DENND5B: variants seen among roughly 807,000 people sequenced by gnomAD.
The protein encoded by DENND5B is DENN domain-containing protein 5B.
Under a neutral mutation model 140.6 loss-of-function variants are expected in DENND5B, and 34 were observed. The observed-to-expected ratio is 0.24, with a 90% CI of 0.18 to 0.32. The LOEUF (loss-of-function observed/expected upper bound fraction) is 0.32. Among genes scored for constraint, DENND5B ranks in the 10% least tolerant of loss-of-function variants. DENND5B has a pLI of 1.00. For missense variants in DENND5B, 1,142 were observed against 1,560.2 expected, an observed-to-expected ratio of 0.73 and a Z score of 4.52; for synonymous variants, 551 against 562.1, an observed-to-expected ratio of 0.98 and a Z score of 0.28.
intron 3 of DENND5B, among the ~76,000 whole-genome samples, chr12:31,475,812 C>T (rs954036374): frequency 6.6e-5 from 10 of 151,900 alleles, no homozygotes; most frequent in African/African-American, 2.4e-4. Context: ...AACGGTGAGA[C>T]ATAACCTGCT....
intron 17 of DENND5B, chr12:31,396,495 T>C (rs1941481181): frequency 1.3e-5 from 2 of 152,546 alleles, no homozygotes; most frequent in Non-Finnish European, 2.9e-5. Flanking sequence ...AAGCATTCCA[T>C]ATTTTTCTCA....
chr12:31,429,283 A>AGG lies in DENND5B; in HGVS notation c.2107-2860_2107-2859insCC, dbSNP rs1943400903. Reference sequence around the variant, plus strand: ...TGGCCTCCCAAAGTGCTGGGATTACATGCATGAGCCACCCTGCCCAGCGAG... The same window carrying AGG: ...TGGCCTCCCAAAGTGCTGGGATTACAGGTGCATGAGCCACCCTGCCCAGCGAG... On this transcript the variant is annotated intron_variant, in intron 8 of 20. Coordinates refer to ENST00000389082, the MANE Select transcript of DENND5B (RefSeq NM_144973.4). 1.1e-4 allele frequency among the ~76,000 whole-genome samples: 16 copies of AGG among 152,366 alleles called. No individual in the cohort carries two copies. The South Asian group carries it at 3.3e-3, about 32-fold the overall frequency.
rs76206928 is a variant in DENND5B at position 31,572,692 on chromosome 12, G to A, written c.127+18014C>T. On this transcript the variant is annotated intron_variant, in intron 1 of 20. Transcript: ENST00000389082. ...ATCTAAAAAGTGCTTATTATAAGAA[G>A]GTTAAAGCACTGATTCTCTCTGAAA... Among the ~76,000 whole-genome samples the A allele has an allele frequency of 9.0e-3, 1,374 of 152,180 alleles. 29 individuals carry two copies. Among genetic ancestry groups the A allele is most frequent in the African/African-American group, 0.032 (1,316 of 41,536 alleles).
intron 1 of DENND5B, among the ~76,000 whole-genome samples, chr12:31,560,940 G>A (rs569259587): frequency 1.4e-4 from 16 of 117,158 alleles, no homozygotes; most frequent in African/African-American, 3.9e-4. Flanking sequence ...CTACCAAAAA[G>A]AGAGAGTAAA....
intron 1 of DENND5B, among the ~76,000 whole-genome samples, chr12:31,563,258 CCCA>C (rs1565699446): frequency 6.6e-6 from 1 of 152,158 alleles, no homozygotes; most frequent in East Asian, 1.9e-4. Flanking sequence ...ACACAAACAG[CCCA>C]CCTTTTTCAA....
Position 31,415,445 on chromosome 12 carries a change from G to T in DENND5B, c.2474C>A (p.Ala825Asp). The change falls in exon 12 of 21, where the codon GCC becomes GAC. Residue 825 changes from alanine to aspartate, a missense_variant. By Grantham distance (126) the Ala-to-Asp change is moderately radical. Transcript: ENST00000389082. ...KQEHLAESPV[A>D]LGPERRKSDS... ...AGATTTTCTTCTTTCTGGTCCGAGG[G>T]CAACTATGTAGAAAAATATCAACAA... The T allele has an allele frequency of 1.9e-6, 3 of 1,602,636 alleles. No individual in the cohort carries two copies. Among genetic ancestry groups the T allele is most frequent in the Non-Finnish European group, 8.5e-7 (1 of 1,173,948 alleles).
chr12:31,484,217 G>A (rs1301712040), intron 2 of DENND5B, among the ~76,000 whole-genome samples: 4 of 152,130 alleles, frequency 2.6e-5, no homozygotes, highest in African/African-American at 7.2e-5. Flanking sequence ...CCACAACATC[G>A]ACAATGCATT....
At chr12:31,499,699 C>A in intron 1 of DENND5B, 1 of 1,421,122 alleles carries the variant, frequency 7.0e-7, no homozygotes, top group South Asian at 1.5e-5. Context: ...AACAAAAAAG[C>A]TTTATGAACA....
intron 2 of DENND5B, among the ~76,000 whole-genome samples, chr12:31,484,208 C>CACA (rs1946198655): frequency 6.6e-6 from 1 of 152,124 alleles, no homozygotes; most frequent in Non-Finnish European, 1.5e-5. Context: ...TGGAGACAAC[C>CACA]ACAACATCGA....
intron 20 of DENND5B, among the ~76,000 whole-genome samples, chr12:31,389,073 C>T (rs1028387725): frequency 6.6e-6 from 1 of 152,066 alleles, no homozygotes; most frequent in African/African-American, 2.4e-5. Flanking sequence ...ATGAAAAAAT[C>T]GGTTGCTACC....
At chr12:31,584,361 TATC>T (rs1324795777) in intron 1 of DENND5B, among the ~76,000 whole-genome samples, 1 of 152,248 alleles carries the variant, frequency 6.6e-6, no homozygotes, top group Non-Finnish European at 1.5e-5. Context: ...GCCTTGGGGT[TATC>T]ACAGAGAATT....
At chr12:31,449,731 G>GTTTTTTTTTTTTTTTTTT (rs771712867) in intron 5 of DENND5B, among the ~76,000 whole-genome samples, 1 of 89,954 alleles carries the variant, frequency 1.1e-5, no homozygotes, top group Non-Finnish European at 2.1e-5. Context: ...ACACAGATTA[G>GTTTTTTTTTTTTTTTTTT]TTTTTTTTTT....
In DENND5B at chr12:31,460,373, G is replaced by A. The variant is rs576115388; in HGVS notation, c.913C>T (p.Arg305Cys). Reference protein sequence around the residue: ...QILLYSQDYQRLMTVAEGITT... With the variant: ...QILLYSQDYQCLMTVAEGITT... ...ATGCCTTCTGCCACAGTCATCAGGC[G>A]TTGATAATCTGCACAGAACAAGGAA... is the stretch of plus-strand genomic sequence containing the variant. Residue 305 changes from arginine (R) to cysteine (C), a missense_variant, in exon 4 of 21, where the codon CGC (arginine) becomes TGC (cysteine). By Grantham distance (180) the Arg-to-Cys change is radical. Coordinates refer to ENST00000389082, the MANE Select transcript of DENND5B (RefSeq NM_144973.4). 36 of 1,613,738 alleles carry A rather than the reference G, an allele frequency of 2.2e-5. No individual in the cohort carries two copies. Among genetic ancestry groups the A allele is most frequent in the Middle Eastern group, 3.3e-4 (2 of 6,060 alleles).
intron 4 of DENND5B, among the ~76,000 whole-genome samples, chr12:31,459,588 T>C (rs930048948): frequency 3.3e-5 from 5 of 152,054 alleles, no homozygotes; most frequent in Non-Finnish European, 5.9e-5. Flanking sequence ...CCACCACGCC[T>C]GGCCTATTTT....
intron 10 of DENND5B, 132 bp downstream of exon 10, chr12:31,424,403 G>T: frequency 8.4e-7 from 1 of 1,184,792 alleles, no homozygotes; most frequent in Non-Finnish European, 1.1e-6. Flanking sequence ...AAATTAAAAT[G>T]CCTGTGGCAT....
rs534131893 is a variant in DENND5B, at chr12:31,383,222, G to T, written c.*4381C>A. On this transcript the variant is annotated 3_prime_UTR_variant, in exon 21 of 21. Coordinates refer to ENST00000389082, the MANE Select transcript of DENND5B (RefSeq NM_144973.4). Reference sequence around the variant, plus strand: ...AAATTGTAATCTTTAGCAGAAAGAAGATATTTCATTATGAAGAGCTACACT... The same window carrying T: ...AAATTGTAATCTTTAGCAGAAAGAATATATTTCATTATGAAGAGCTACACT... 4.6e-5 allele frequency: 7 copies of T among 152,226 alleles called. No homozygotes were observed. Among genetic ancestry groups the T allele is most frequent in the Admixed American group, 1.3e-4 (2 of 15,270 alleles). The allele number at this position is 152,226 out of a possible 1,614,324, so 9.4% of individuals were successfully genotyped here. A position where few individuals can be genotyped will look rare whatever the true frequency, so the allele number is the denominator to read the frequency against.
chr12:31,432,963 T>C, intron 8 of DENND5B, 192 bp downstream of exon 8: 1 of 530,052 alleles, frequency 1.9e-6, no homozygotes, highest in Non-Finnish European at 3.3e-6. Flanking sequence ...TATAGATGTC[T>C]TGAAATTACA....
At position 31,561,054 on chromosome 12, in the gene DENND5B, C is replaced by A. The variant is rs142354233; in HGVS notation, c.127+29652G>T. The stretch of plus-strand genomic sequence containing the variant: ...AAATAGAATAGGAGATTTGCTGGAA[C>A]CTTTGTCAAGATCCCAGTTATGTTC... On this transcript the variant is annotated intron_variant, in intron 1 of 20. Coordinates refer to ENST00000389082, the MANE Select transcript of DENND5B (RefSeq NM_144973.4). Among the ~76,000 whole-genome samples, 329 of 152,196 alleles carry A rather than the reference C, an allele frequency of 2.2e-3. 3 individuals are homozygous for A. The highest frequency in any genetic ancestry group is 7.0e-3 in the African/African-American group (291 of 41,534).
At chr12:31,415,256 T>C in intron 12 of DENND5B, 111 bp downstream of exon 12, 1 of 772,028 alleles carries the variant, frequency 1.3e-6, no homozygotes, top group Non-Finnish European at 2.0e-6. Flanking sequence ...TTCTTCAGAA[T>C]ACATAAGCCA....
Sources: gnomAD v4.1 joint callset for allele counts (sites outside exome capture counted in the v4.1 genomes callset) on GRCh38, gnomAD v4.1.1 for gene constraint, MANE v1.5 for transcripts, NCBI Gene and HGNC (gene_info 2026-07-23, HGNC 2026-07-21) for gene names.